Variants in SLCO4A1 observed in about 807,000 individuals in gnomAD.
SLCO4A1 encodes solute carrier organic anion transporter family member 4A1, also known as colon organic anion transporter.
SLCO4A1 carries 51 observed loss-of-function variants against 64.6 expected under a neutral mutation model. That is an observed-to-expected ratio of 0.79 (90% confidence interval 0.63 to 1.00). The LOEUF (loss-of-function observed/expected upper bound fraction) is 1.00, where lower values mean the gene tolerates loss of function less well. Among genes scored for constraint, SLCO4A1 ranks in the 50% least tolerant of loss-of-function variants. The probability of loss-of-function intolerance (pLI) is 0.00; values close to 1 mark genes in which losing one functional copy is unlikely to be tolerated. For missense variants in SLCO4A1, 919 were observed against 980.5 expected (o/e 0.94, Z 0.84); for synonymous variants, 471 against 444.9 (o/e 1.06, Z -0.74).
chr20:62,684,869 G>T (rs1020220809), intron 2 of SLCO4A1, among the ~76,000 whole-genome samples: 15 of 152,184 alleles, frequency 9.9e-5, no homozygotes, highest in African/African-American at 3.1e-4. Context: ...TGGCCGTGGT[G>T]AGTTTAGTCT....
chr20:62,658,878 C>T, intron 3 of SLCO4A1, 111 bp downstream of exon 3: 1 of 907,304 alleles, frequency 1.1e-6, no homozygotes, highest in Non-Finnish European at 1.7e-6. Flanking sequence ...GGCGCAGGTG[C>T]TGGGCACCCC....
chr20:62,664,043 G>A (rs926831654), intron 5 of SLCO4A1, among the ~76,000 whole-genome samples: 14 of 152,014 alleles, frequency 9.2e-5, no homozygotes, highest in Admixed American at 2.0e-4. Flanking sequence ...CACTGCTGTC[G>A]GCCACCTCCT....
intron 1 of SLCO4A1, chr20:62,652,063 C>A (rs970097615): frequency 6.8e-6 from 1 of 147,946 alleles, no homozygotes; most frequent in Admixed American, 6.7e-5. Context: ...CCCCCACCCC[C>A]GCTCGGCCCC....
chr20:62,643,113 T>A lies in SLCO4A1; in HGVS notation c.-97+560T>A. The stretch of plus-strand genomic sequence containing the variant: ...GTTCGCGCCAGAGGCGCTCGAGACA[T>A]CTCCGGGAGGGGAGCGCGGGCGGAG... On this transcript the variant is annotated intron_variant, in intron 1 of 11. Coordinates refer to ENST00000217159, the MANE Select transcript of SLCO4A1 (RefSeq NM_016354.4). 9.1e-6 allele frequency: 4 copies of A among 441,230 alleles called. 1 individual carries two copies. Among genetic ancestry groups the A allele is most frequent in the South Asian group, 6.4e-5 (4 of 62,830 alleles). 27.3% of individuals were successfully genotyped at this position (441,230 alleles called of 1,614,324 possible). A position where few individuals can be genotyped will look rare whatever the true frequency, so the allele number is the denominator to read the frequency against.
At chr20:62,687,974 AC>A (rs1441339320), downstream of SLCO4A1, among the ~76,000 whole-genome samples, 1 of 139,568 alleles carries the variant, frequency 7.2e-6, no homozygotes, top group Non-Finnish European at 1.6e-5. Context: ...GGCCTTACCC[AC>A]CCCCACCAGC....
At chr20:62,643,290 A>T in intron 1 of SLCO4A1, 1 of 317,430 alleles carries the variant, frequency 3.2e-6, no homozygotes, top group Non-Finnish European at 6.2e-6. Flanking sequence ...CTGACCAGGG[A>T]GGATGGAAAG....
At chr20:62,670,503 G>A (rs12481701) in intron 11 of SLCO4A1, among the ~76,000 whole-genome samples, 14,276 of 152,282 alleles carry the variant, frequency 0.094, 727 homozygotes, top group Admixed American at 0.13. Flanking sequence ...ATGGGAAGCC[G>A]GAGGCGCCTC....
intron 1 of SLCO4A1, among the ~76,000 whole-genome samples, chr20:62,653,743 G>T (rs1189847122): frequency 1.3e-5 from 2 of 152,194 alleles, no homozygotes; most frequent in African/African-American, 4.8e-5. Flanking sequence ...CTCCGTGGGG[G>T]CTGCTGTAAG....
chr20:62,645,521 C>T lies in SLCO4A1; in HGVS notation c.-97+2968C>T, dbSNP rs1416788791. ...GCACCCTCACCCTCATCCTCACCCG[C>T]AGCCTCACCCTCAGTCCTCAGACAC... On this transcript the variant is annotated intron_variant, in intron 1 of 11. Transcript: ENST00000217159. This position sits in a 1 kb window ranked among gnomAD's most constrained non-coding sequence, Gnocchi z 4.2. 6.7e-6 allele frequency among the ~76,000 whole-genome samples: 1 copy of T among 148,676 alleles called. No homozygotes were observed.
At chr20:62,688,908 A>T (rs1189499044), downstream of SLCO4A1, among the ~76,000 whole-genome samples, 1 of 152,194 alleles carries the variant, frequency 6.6e-6, no homozygotes, top group Non-Finnish European at 1.5e-5. Context: ...CTTCCCAATA[A>T]ACCGAACGAG....
chr20:62,646,190 G>GCCCGCCCTTCCCTCCCACCA (rs1304605497), intron 1 of SLCO4A1, among the ~76,000 whole-genome samples: 1 of 152,110 alleles, frequency 6.6e-6, no homozygotes, highest in Non-Finnish European at 1.5e-5. Flanking sequence ...CCTCTGAGCT[G>GCCCGCCCTTCCCTCCCACCA]CCCGCCCTTC....
intron 2 of SLCO4A1, among the ~76,000 whole-genome samples, chr20:62,677,704 C>G (rs1987657805): frequency 6.6e-6 from 1 of 152,236 alleles, no homozygotes. Flanking sequence ...TCTTTTTGAG[C>G]CTGGCAGGCG....
At chr20:62,657,293 G>A (rs1312456891) in intron 2 of SLCO4A1, 43 bp downstream of exon 2, 2 of 1,472,366 alleles carry the variant, frequency 1.4e-6, no homozygotes, top group Non-Finnish European at 9.1e-7. Flanking sequence ...GGGTGGCTGA[G>A]GGCAGTGTTG....
At position 62,659,307 on chromosome 20, in the gene SLCO4A1, T is replaced by C. The variant is rs187607170; in HGVS notation, c.887+540T>C. 3.1e-3 allele frequency among the ~76,000 whole-genome samples: 472 copies of C among 152,102 alleles called. 2 individuals carry two copies. Among genetic ancestry groups the C allele is most frequent in the African/African-American group, 0.011 (458 of 41,500 alleles). ...GGAGGCAGAGGAGACATGTCCTTGC[T>C]GACCGCCAGTGCTCTGTGGGTTTGG... On this transcript the variant is annotated intron_variant, in intron 3 of 11. Coordinates refer to ENST00000217159, the MANE Select transcript of SLCO4A1 (RefSeq NM_016354.4).
At chr20:62,655,780 G>A (rs537852688) in intron 1 of SLCO4A1, among the ~76,000 whole-genome samples, 2 of 152,296 alleles carry the variant, frequency 1.3e-5, no homozygotes, top group Admixed American at 6.5e-5. Context: ...GCTCATTCCT[G>A]CACCTCCCAA....
In SLCO4A1 at chr20:62,685,572, G is replaced by C. The variant is rs1301433940; in HGVS notation, n.343G>C. On this transcript the variant is annotated non_coding_transcript_exon_variant, in exon 3 of 3. Transcript: ENST00000466818. This position sits in a 1 kb window ranked among gnomAD's most constrained non-coding sequence, Gnocchi z 4.6. ...TTTCTGACAACGTCTTCCAGAGCAG[G>C]CTTTCTCTAGAGGGTGGACTGCCTG... 2 of 445,494 alleles carry C rather than the reference G, an allele frequency of 4.5e-6. No homozygotes were observed. The highest frequency in any genetic ancestry group is 5.9e-6 in the Non-Finnish European group (2 of 336,566). The allele number at this position is 445,494 out of a possible 1,614,324, so 27.6% of individuals were successfully genotyped here.
At chr20:62,673,372 A>C (rs574343079), downstream of SLCO4A1, among the ~76,000 whole-genome samples, 81 of 143,432 alleles carry the variant, frequency 5.6e-4, 10 homozygotes, top group Admixed American at 4.7e-3. Context: ...CATGTTCATC[A>C]GGAGTCCGGT....
chr20:62,689,230 C>T (rs1988155061), downstream of SLCO4A1, among the ~76,000 whole-genome samples: 2 of 150,648 alleles, frequency 1.3e-5, no homozygotes, highest in African/African-American at 2.5e-5. Flanking sequence ...CCCCGTGCCT[C>T]GCAGGCCTGT....
chr20:62,657,094 G>A lies in SLCO4A1; in HGVS notation c.640G>A (p.Ala214Thr), dbSNP rs184112176. The A allele has an allele frequency of 4.9e-4, 784 of 1,598,226 alleles. 4 individuals carry two copies. The Middle Eastern group carries it at 5.2e-3, about 11-fold the overall frequency. Reference protein sequence around the residue: ...GVRTCPANPGAVCADSTSGLS... With the variant: ...GVRTCPANPGTVCADSTSGLS... ...CAGGACGTGCCCTGCCAACCCCGGC[G>A]CGGTGTGTGCGGACAGCACCTCGGG... Residue 214 changes from alanine (A) to threonine (T), a missense_variant, in exon 2 of 12, where the codon GCG (alanine) becomes ACG (threonine). Transcript: ENST00000217159.
Sources: gnomAD v4.1 joint callset for allele counts (sites outside exome capture counted in the v4.1 genomes callset) on GRCh38, gnomAD v4.1.1 for gene constraint, Gnocchi (gnomAD v3.1) non-coding constraint, MANE v1.5 for transcripts, NCBI Gene and HGNC (gene_info 2026-07-23, HGNC 2026-07-21) for gene names.